The following BLVRB variants were observed in gnomAD, a reference collection of about 807,000 sequenced individuals.
BLVRB encodes biliverdin reductase B.
BLVRB carries 25 observed loss-of-function variants against 21.1 expected under a neutral mutation model. The observed-to-expected ratio is 1.19, with a 90% CI of 0.86 to 1.66. The LOEUF (loss-of-function observed/expected upper bound fraction) is 1.66. BLVRB is among the 40% of genes most tolerant of loss of function. The pLI is 0.00. For missense variants in BLVRB, 274 were observed against 282.7 expected, an observed-to-expected ratio of 0.97 and a Z score of 0.22; for synonymous variants, 128 against 122.2, an observed-to-expected ratio of 1.05 and a Z score of -0.31.
chr19:40,452,894 AC>A (rs66889364), intron 3 of BLVRB, among the ~76,000 whole-genome samples: 62,839 of 139,258 alleles, frequency 0.45, 14,320 homozygotes, highest in African/African-American at 0.56. Flanking sequence ...ACAAAACAAA[AC>A]AAAAAAAACA....
chr19:40,451,565 G>A (rs558414537), intron 3 of BLVRB, 73 bp from the exon 4 acceptor site: 26 of 1,438,762 alleles, frequency 1.8e-5, no homozygotes, highest in Admixed American at 1.1e-4. Flanking sequence ...ACAGAGTGTC[G>A]CTTTGTCACC....
At chr19:40,460,275 T>TATATATATATATATA (rs1555806375) in intron 1 of BLVRB, among the ~76,000 whole-genome samples, 29 of 134,378 alleles carry the variant, frequency 2.2e-4, no homozygotes, top group South Asian at 1.2e-3. Flanking sequence ...TATATATATA[T>TATATATATATATATA]TTAGAGACAG....
chr19:40,455,387 G>A (rs144386809), intron 3 of BLVRB, among the ~76,000 whole-genome samples: 27 of 152,334 alleles, frequency 1.8e-4, no homozygotes, highest in Non-Finnish European at 3.2e-4. Flanking sequence ...CTTGCCGAAG[G>A]TGTCTGTGGG....
intron 4 of BLVRB, among the ~76,000 whole-genome samples, chr19:40,449,569 G>C: frequency 6.6e-6 from 1 of 152,052 alleles, no homozygotes; most frequent in East Asian, 1.9e-4. Flanking sequence ...ATTTTACTAC[G>C]GAGTGGATAC....
chr19:40,452,877 G>GAACAA (rs1473459344), intron 3 of BLVRB, among the ~76,000 whole-genome samples: 2 of 113,336 alleles, frequency 1.8e-5, no homozygotes, highest in South Asian at 2.7e-4. Context: ...AAACAAAGCA[G>GAACAA]AACAAAACAA....
At chr19:40,458,036 C>A in intron 3 of BLVRB, 119 bp downstream of exon 3, 1 of 990,116 alleles carries the variant, frequency 1.0e-6, no homozygotes, top group South Asian at 1.5e-5. Context: ...AGGCACACAG[C>A]TGGTGTTCAG....
chr19:40,460,733 G>A (rs999429557), intron 1 of BLVRB, among the ~76,000 whole-genome samples: 16 of 152,316 alleles, frequency 1.1e-4, no homozygotes, highest in Admixed American at 3.3e-4. Context: ...AGCACTTTGG[G>A]AGGCCAAGGC....
At chr19:40,451,534 CTTTTTTT>C (rs66462314) in intron 3 of BLVRB, 42 bp from the exon 4 acceptor site, 2 of 1,335,554 alleles carry the variant, frequency 1.5e-6, no homozygotes, top group Admixed American at 3.2e-5. Context: ...GCTCTCTTGT[CTTTTTTT>C]TTTTTTTTTT....
intron 3 of BLVRB, 32 bp from the exon 4 acceptor site, chr19:40,451,524 G>GC: frequency 6.6e-7 from 1 of 1,509,722 alleles, no homozygotes; most frequent in Non-Finnish European, 8.8e-7. Context: ...ATCAGCCTGG[G>GC]CTCTCTTGTC....
rs201634650 is a variant in BLVRB at position 40,465,592 on chromosome 19, G to A, written c.79+18C>T. The stretch of plus-strand genomic sequence containing the variant: ...GCCCGTCTGTCCCGTGACATGCCCC[G>A]CCCGCCCCGGCTCATGCCTGCTTGC... On this transcript the variant is annotated intron_variant, in intron 1 of 4. Transcript: ENST00000263368. 2.4e-4 allele frequency: 386 copies of A among 1,605,132 alleles called. No homozygotes were observed. Among genetic ancestry groups the A allele is most frequent in the Non-Finnish European group, 3.0e-4 (356 of 1,177,138 alleles).
At chr19:40,458,965 C>T (rs899507516) in intron 1 of BLVRB, among the ~76,000 whole-genome samples, 7 of 151,828 alleles carry the variant, frequency 4.6e-5, no homozygotes, top group Non-Finnish European at 8.8e-5. Context: ...TGAGCCACTG[C>T]GCCGTGGCCT....
intron 1 of BLVRB, among the ~76,000 whole-genome samples, chr19:40,460,949 G>T (rs1483819913): frequency 4.6e-5 from 7 of 152,010 alleles, no homozygotes; most frequent in Non-Finnish European, 8.8e-5. Flanking sequence ...GCCAGCCTGG[G>T]CAACAAGAGC....
chr19:40,465,585 A>G (rs975178451), intron 1 of BLVRB, 25 bp downstream of exon 1: 9 of 1,601,102 alleles, frequency 5.6e-6, no homozygotes, highest in African/African-American at 1.3e-5. Flanking sequence ...GTCCCGTGAC[A>G]TGCCCCGCCC....
At chr19:40,448,461 TG>T (rs1224657846) in intron 4 of BLVRB, among the ~76,000 whole-genome samples, 2 of 151,712 alleles carry the variant, frequency 1.3e-5, no homozygotes, top group East Asian at 3.9e-4. Flanking sequence ...TGCAGTGGCA[TG>T]CCCCTGTAGT....
In BLVRB at chr19:40,465,641, C is replaced by T; in HGVS notation, c.48G>A (p.Gly16=). 6.2e-7 allele frequency: 1 copy of T among 1,612,762 alleles called. No individual in the cohort carries two copies. The highest frequency in any genetic ancestry group is 8.5e-7 in the Non-Finnish European group (1 of 1,179,832). The change falls in exon 1 of 5, where the codon GGG becomes GGA. Residue 16 remains glycine, a synonymous_variant. Transcript: ENST00000263368. ...GCACCGCCTGCGCCAGGGTGGTGAGCCCGGTCTGGCCAGTGGCGCCGAAGA... is the reference window on the plus strand; with the variant it reads ...GCACCGCCTGCGCCAGGGTGGTGAGTCCGGTCTGGCCAGTGGCGCCGAAGA... ...IAIFGATGQT[G]LTTLAQAVQA...
intron 2 of BLVRB, 37 bp from the exon 3 acceptor site, chr19:40,458,281 G>T (rs1281469312): frequency 6.4e-7 from 1 of 1,569,556 alleles, no homozygotes; most frequent in East Asian, 2.3e-5. Context: ...ACTGGTGGGC[G>T]GCGGCGGCGG....
Position 40,458,539 on chromosome 19 carries a change from T to C in BLVRB, c.86A>G (p.Glu29Gly). ...TLAQAVQAGY[E>G]VTVLVRDSSR... The stretch of plus-strand genomic sequence containing the variant: ...GGAGTCCCGCACCAGCACTGTCACT[T>C]CGTAACCTGTGGGCAAAGAGGAGCA... The change falls in exon 2 of 5, where the codon GAA becomes GGA. Residue 29 changes from glutamate (E) to glycine (G), a missense_variant. Glu to Gly is a moderately conservative substitution (Grantham distance 98). Coordinates refer to ENST00000263368, the MANE Select transcript of BLVRB (RefSeq NM_000713.3). 6.2e-7 allele frequency: 1 copy of C among 1,604,444 alleles called. No homozygotes were observed. Among genetic ancestry groups the C allele is most frequent in the South Asian group, 1.1e-5 (1 of 89,680 alleles).
chr19:40,448,030 A>G lies in BLVRB; in HGVS notation c.480T>C (p.Thr160=), dbSNP rs762866114. 1 of 1,613,096 alleles carries G rather than the reference A, an allele frequency of 6.2e-7. No homozygotes were observed. The highest frequency in any genetic ancestry group is 1.1e-5 in the South Asian group (1 of 91,070). ...MPPHIGDQPL[T]GAYTVTLDGR... ...CATCCAGGGTCACTGTGTACGCCCC[A>G]GTTAGTGGCTGGTCTCCTATGAAGT... The change falls in exon 5 of 5, where the codon ACT becomes ACC. Residue 160 remains threonine (T), a synonymous_variant. Coordinates refer to ENST00000263368, the MANE Select transcript of BLVRB (RefSeq NM_000713.3).
At chr19:40,465,573 C>A in intron 1 of BLVRB, 37 bp downstream of exon 1, 1 of 1,589,550 alleles carries the variant, frequency 6.3e-7, no homozygotes, top group Non-Finnish European at 8.5e-7. Flanking sequence ...TTCTGCCCGT[C>A]TGTCCCGTGA....
Sources: allele counts gnomAD v4.1 joint callset (sites outside exome capture counted in the v4.1 genomes callset), GRCh38; gene constraint gnomAD v4.1.1; transcripts MANE v1.5; gene names NCBI Gene and HGNC (gene_info 2026-07-23, HGNC 2026-07-21).